The following JOSD1 variants were observed in gnomAD, a reference collection of about 807,000 sequenced individuals.
JOSD1 encodes josephin-1.
In JOSD1, 11 loss-of-function variants were observed where a neutral mutation model predicts 24.3. The observed-to-expected ratio is 0.45, with a 90% CI of 0.29 to 0.75. JOSD1 has a LOEUF of 0.75. JOSD1 is among the 30% of genes least tolerant of loss of function. JOSD1 has a pLI of 0.11. For synonymous variants in JOSD1, 106 were observed against 93.8 expected, an observed-to-expected ratio of 1.13 and a Z score of -0.75; for missense variants, 184 against 253.5, an observed-to-expected ratio of 0.73 and a Z score of 1.86.
At chr22:38,691,907 C>G (rs2092524084) in intron 2 of JOSD1, among the ~76,000 whole-genome samples, 1 of 152,220 alleles carries the variant, frequency 6.6e-6, no homozygotes, top group East Asian at 1.9e-4. Flanking sequence ...CCTTGACTAT[C>G]TGTGAACGCT....
intron 2 of JOSD1, among the ~76,000 whole-genome samples, chr22:38,694,973 T>C (rs1316283756): frequency 6.6e-6 from 1 of 152,096 alleles, no homozygotes; most frequent in Admixed American, 6.6e-5. Flanking sequence ...CCACTGTGTC[T>C]GACTATGGTG....
intron 2 of JOSD1, among the ~76,000 whole-genome samples, chr22:38,699,027 GA>G (rs1368092808): frequency 2.0e-5 from 3 of 152,322 alleles, no homozygotes; most frequent in African/African-American, 7.2e-5. Context: ...AAAGTGCTGG[GA>G]TTACACCGTA....
chr22:38,695,408 A>AT (rs1294977705), intron 2 of JOSD1, among the ~76,000 whole-genome samples: 1 of 143,352 alleles, frequency 7.0e-6, no homozygotes, highest in Non-Finnish European at 1.5e-5. Context: ...CTTTCATTAG[A>AT]TTTTTTTCCC....
chr22:38,695,374 C>T (rs2092540796), intron 2 of JOSD1, among the ~76,000 whole-genome samples: 1 of 151,970 alleles, frequency 6.6e-6, no homozygotes, highest in African/African-American at 2.4e-5. Flanking sequence ...TCACCAATAT[C>T]CCCAATCTCT....
intron 2 of JOSD1, among the ~76,000 whole-genome samples, chr22:38,697,227 T>C (rs1028296878): frequency 2.0e-5 from 3 of 152,266 alleles, no homozygotes; most frequent in African/African-American, 7.2e-5. Flanking sequence ...CCCTTTGCTT[T>C]TTCCTCTAGA....
At chr22:38,689,460 G>A (rs747167295) in intron 2 of JOSD1, 36 bp from the exon 3 acceptor site, 2 of 1,612,138 alleles carry the variant, frequency 1.2e-6, no homozygotes, top group Non-Finnish European at 1.7e-6. Flanking sequence ...GAGACTTGCT[G>A]GATGCCTGAA....
In JOSD1 at chr22:38,700,822, C is replaced by T; in HGVS notation, c.-654G>A. 1 of 984,864 alleles carries T rather than the reference C, an allele frequency of 1.0e-6. No individual in the cohort carries two copies. The highest frequency in any genetic ancestry group is 1.2e-6 in the Non-Finnish European group (1 of 829,776). 61.0% of individuals were successfully genotyped at this position (984,864 alleles called of 1,614,324 possible). On this transcript the variant is annotated 5_prime_UTR_variant, in exon 1 of 5. Coordinates refer to ENST00000683374, the MANE Select transcript of JOSD1 (RefSeq NM_001360236.2). ...AACCTCCCCGCCCGTCACGTGAGCG[C>T]AGGCCCAGACGCCCTCCCGCCGCGC...
At chr22:38,698,944 A>G (rs1442636633) in intron 2 of JOSD1, among the ~76,000 whole-genome samples, 3 of 152,088 alleles carry the variant, frequency 2.0e-5, no homozygotes, top group Non-Finnish European at 4.4e-5. Flanking sequence ...TTTAGTAGAC[A>G]CGGGGTTCCA....
At position 38,700,086 on chromosome 22, in the gene JOSD1, C is replaced by A. The variant is rs2092562048; in HGVS notation, c.-99G>T. On this transcript the variant is annotated 5_prime_UTR_variant, in exon 2 of 5. Coordinates refer to ENST00000683374, the MANE Select transcript of JOSD1 (RefSeq NM_001360236.2). ...CAGTCTTTTCCGGATTCCTGAGGTC[C>A]ACCTTATTCTCTGGTGTCCATGATT... 5.4e-6 allele frequency: 8 copies of A among 1,484,632 alleles called. No individual in the cohort carries two copies. The highest frequency in any genetic ancestry group is 1.8e-4 in the Middle Eastern group (1 of 5,526). 92.0% of individuals were successfully genotyped at this position (1,484,632 alleles called of 1,614,324 possible).
At chr22:38,695,452 T>A (rs1054506355) in intron 2 of JOSD1, among the ~76,000 whole-genome samples, 1 of 150,598 alleles carries the variant, frequency 6.6e-6, no homozygotes, top group African/African-American at 2.4e-5. Context: ...TAGTTTTTTT[T>A]TTTTTTTTTT....
intron 2 of JOSD1, among the ~76,000 whole-genome samples, chr22:38,696,245 T>C (rs1313472669): frequency 6.6e-6 from 1 of 151,868 alleles, no homozygotes; most frequent in Non-Finnish European, 1.5e-5. Context: ...CCCCCCCTTT[T>C]TTTTTTTGAG....
intron 2 of JOSD1, among the ~76,000 whole-genome samples, chr22:38,696,057 G>A (rs75032270): frequency 1.8e-4 from 28 of 152,140 alleles, no homozygotes; most frequent in African/African-American, 6.3e-4. Context: ...ACTCCGTCTC[G>A]GGTGGGGGGA....
chr22:38,691,053 A>C (rs774317777), intron 2 of JOSD1, among the ~76,000 whole-genome samples: 7 of 151,374 alleles, frequency 4.6e-5, no homozygotes, highest in Non-Finnish European at 7.4e-5. Context: ...ACAAACCAAC[A>C]AACAAAACAA....
At chr22:38,689,947 T>TGTGTGTGTGTGTGTGTGTGTGTG (rs60712690) in intron 2 of JOSD1, among the ~76,000 whole-genome samples, 6 of 145,688 alleles carry the variant, frequency 4.1e-5, no homozygotes, top group African/African-American at 1.5e-4. Context: ...TGTGTGTGTG[T>TGTGTGTGTGTGTGTGTGTGTGTG]AGTACTTGAA....
At position 38,699,810 on chromosome 22, in the gene JOSD1, A is replaced by C; in HGVS notation, c.178T>G (p.Phe60Val). Residue 60 changes from phenylalanine to valine, a missense_variant, in exon 2 of 5, where the codon TTC becomes GTC. Phe to Val is a conservative substitution (Grantham distance 50, BLOSUM62 -1). Transcript: ENST00000683374. Reference sequence around the variant, plus strand: ...AGGAGAAGGGTCCCCTACCTCTGGAAAATCTCTTGCAGCGTATCCCGGGTG... The same window carrying C: ...AGGAGAAGGGTCCCCTACCTCTGGACAATCTCTTGCAGCGTATCCCGGGTG... ...AFTRDTLQEI[F>V]QRLSPNTMVT... is the part of the protein sequence containing the mutation. The C allele has an allele frequency of 6.2e-7, 1 of 1,614,152 alleles. No homozygotes were observed. The highest frequency in any genetic ancestry group is 8.5e-7 in the Non-Finnish European group (1 of 1,180,004).
At chr22:38,692,940 T>C (rs1021728228) in intron 2 of JOSD1, among the ~76,000 whole-genome samples, 1 of 151,970 alleles carries the variant, frequency 6.6e-6, no homozygotes, top group Admixed American at 6.6e-5. Flanking sequence ...ACAAGGAAAA[T>C]GCTGAGTCTT....
intron 2 of JOSD1, among the ~76,000 whole-genome samples, chr22:38,691,396 A>G (rs1328214299): frequency 6.6e-6 from 1 of 151,904 alleles, no homozygotes; most frequent in Admixed American, 6.6e-5. Context: ...AGAATTAAAA[A>G]CAACAAACAT....
rs374942074 is a variant in JOSD1 at position 38,699,918 on chromosome 22, G to C, written c.70C>G (p.Pro24Ala). 157 of 1,613,988 alleles carry C rather than the reference G, an allele frequency of 9.7e-5. No homozygotes were observed. Among genetic ancestry groups the C allele is most frequent in the Non-Finnish European group, 1.3e-4 (155 of 1,179,980 alleles). Residue 24 changes from proline (P) to alanine (A), a missense_variant, in exon 2 of 5, where the codon CCA becomes GCA. By Grantham distance (27) the Pro-to-Ala change is conservative. Transcript: ENST00000683374. ...ESLELPQAAP[P>A]QIYHEKQRRE... is the part of the protein sequence containing the mutation. ...CGCTGTTTCTCATGGTAGATTTGTG[G>C]GGGTGCTGCCTGGGGCAGCTCCAAT...
At chr22:38,699,775 C>T (rs143276336) in intron 2 of JOSD1, 28 bp downstream of exon 2, 3 of 1,606,286 alleles carry the variant, frequency 1.9e-6, no homozygotes, top group Non-Finnish European at 2.6e-6. Context: ...ATATCAGTAT[C>T]AAGATGCCAA....
Sources: allele counts gnomAD v4.1 joint callset (sites outside exome capture counted in the v4.1 genomes callset), GRCh38; gene constraint gnomAD v4.1.1; transcripts MANE v1.5; gene names NCBI Gene and HGNC (gene_info 2026-07-23, HGNC 2026-07-21).